Variants in UBD observed in about 807,000 individuals in gnomAD.
The protein encoded by UBD is ubiquitin like modifier D.
In UBD, 1 loss-of-function variant was observed where a neutral mutation model predicts 2.3. The observed-to-expected ratio is 0.43, with a 90% CI of 0.15 to 2.06. The LOEUF (loss-of-function observed/expected upper bound fraction) is 2.06, where lower values mean the gene tolerates loss of function less well. Ranked by LOEUF, UBD falls within the 30% of genes most tolerant of loss-of-function variation. The pLI, the probability that UBD is intolerant of heterozygous loss-of-function variation, is 0.29. For missense variants in UBD, 175 were observed against 199.3 expected (o/e 0.88, Z 0.73); for synonymous variants, 75 against 76.5 (o/e 0.98, Z 0.10).
chr6:29,556,467 C>A, intron 1 of UBD, 117 bp from the exon 2 acceptor site: 1 of 670,066 alleles, frequency 1.5e-6, no homozygotes, highest in South Asian at 2.0e-5. Context: ...AGCTCCTATT[C>A]AGTAGCCAGT....
At chr6:29,557,833 A>G (rs1762604610) in intron 1 of UBD, 1 of 152,224 alleles carries the variant, frequency 6.6e-6, no homozygotes, top group Non-Finnish European at 1.5e-5. Flanking sequence ...GTGCATTTCA[A>G]TGGATGTAAA....
At chr6:29,557,568 C>T (rs756824903) in intron 1 of UBD, 4 of 152,178 alleles carry the variant, frequency 2.6e-5, no homozygotes, top group Non-Finnish European at 5.9e-5. Context: ...ATTAGGACCC[C>T]CTCCATGAAT....
intron 1 of UBD, chr6:29,557,740 C>T (rs1762597518): frequency 6.6e-6 from 1 of 152,180 alleles, no homozygotes; most frequent in Non-Finnish European, 1.5e-5. Flanking sequence ...AGACTATAAC[C>T]TTTCATAAGA....
intron 1 of UBD, among the ~76,000 whole-genome samples, 197 bp downstream of exon 1, chr6:29,559,476 CAG>C (rs1762694727): frequency 1.3e-5 from 2 of 152,206 alleles, no homozygotes; most frequent in Admixed American, 1.3e-4. Flanking sequence ...AAAAAGAACA[CAG>C]AAGCCAGATA....
At chr6:29,557,460 A>G (rs1021123725) in intron 1 of UBD, 4 of 152,184 alleles carry the variant, frequency 2.6e-5, no homozygotes, top group Non-Finnish European at 4.4e-5. Flanking sequence ...TCACCTTTTC[A>G]TGTATAAGGC....
rs1282171187 is a variant in UBD at position 29,556,183 on chromosome 6, A to G, written c.195T>C (p.Ser65=). Residue 65 remains serine, a synonymous_variant, in exon 2 of 2, where the codon TCT becomes TCC. Transcript: ENST00000377050. ...KILKPRRSLS[S]YGIDKEKTIH... is the part of the protein sequence containing the mutation. ...TGGTCTTCTCTTTGTCAATGCCATA[A>G]GATGAGAGGCTTCTCCGTGGCTTTA... The G allele has an allele frequency of 3.7e-6, 6 of 1,612,976 alleles. No homozygotes were observed. The highest frequency in any genetic ancestry group is 5.1e-6 in the Non-Finnish European group (6 of 1,180,030).
At chr6:29,558,421 G>A (rs1030993410) in intron 1 of UBD, among the ~76,000 whole-genome samples, 8 of 152,288 alleles carry the variant, frequency 5.3e-5, no homozygotes, top group East Asian at 1.9e-4. Flanking sequence ...AGATCACAGC[G>A]GGAGGGACAA....
intron 1 of UBD, among the ~76,000 whole-genome samples, chr6:29,559,247 A>T (rs964325082): frequency 1.3e-5 from 2 of 152,174 alleles, no homozygotes; most frequent in Non-Finnish European, 2.9e-5. Flanking sequence ...TCCATAGTGC[A>T]TATTTTCTTA....
Position 29,556,237 on chromosome 6 carries a change from G to A in UBD, c.141C>T (p.Asp47=). 3 of 1,613,036 alleles carry A rather than the reference G, an allele frequency of 1.9e-6. No homozygotes were observed. Among genetic ancestry groups the A allele is most frequent in the Non-Finnish European group, 2.5e-6 (3 of 1,180,024 alleles). ...VRSKTKVPVQ[D]QVLLLGSKIL... The stretch of plus-strand genomic sequence containing the variant: ...TCTTGGAGCCCAGCAAAAGAACCTG[G>A]TCCTGCACAGGAACCTTGGTCTTAG... The change falls in exon 2 of 2, where the codon GAC becomes GAT. Residue 47 remains aspartate, a synonymous_variant. Transcript: ENST00000377050.
chr6:29,556,029 C>T lies in UBD; in HGVS notation c.349G>A (p.Ala117Thr), dbSNP rs1237034976. 8 of 1,613,036 alleles carry T rather than the reference C, an allele frequency of 5.0e-6. No individual in the cohort carries two copies. Among genetic ancestry groups the T allele is most frequent in the Non-Finnish European group, 6.8e-6 (8 of 1,180,044 alleles). ...ATACCCGTCTTAGTCTCGATCATTG[C>T]TTTCACTTGTGCCACTGAGCTGGAC... Reference protein sequence around the residue: ...RRSSSVAQVKAMIETKTGIIP... With the variant: ...RRSSSVAQVKTMIETKTGIIP... The change falls in exon 2 of 2, where the codon GCA becomes ACA. Residue 117 changes from alanine to threonine, a missense_variant. Ala to Thr is a moderately conservative substitution (Grantham distance 58). Transcript: ENST00000377050.
rs565090819 is a variant in UBD at position 29,557,656 on chromosome 6, C to G, written c.28-1306G>C. On this transcript the variant is annotated intron_variant, in intron 1 of 1. Transcript: ENST00000377050. Reference sequence around the variant, plus strand: ...CAGCATAAATTCCTGTGTCACCTTTCCTCCTGCAAAGTGCTTGCTTTTGGT... The same window carrying G: ...CAGCATAAATTCCTGTGTCACCTTTGCTCCTGCAAAGTGCTTGCTTTTGGT... The G allele has an allele frequency of 2.0e-5, 3 of 152,304 alleles. No individual in the cohort carries two copies. The East Asian group carries it at 5.8e-4, about 29-fold the overall frequency. The allele number at this position is 152,304 out of a possible 1,614,324, so 9.4% of individuals were successfully genotyped here. A position where few individuals can be genotyped will look rare whatever the true frequency, so the allele number is the denominator to read the frequency against.
In UBD at chr6:29,555,704, A is replaced by C. The variant is rs879137151; in HGVS notation, c.*176T>G. 3 of 589,382 alleles carry C rather than the reference A, an allele frequency of 5.1e-6. No homozygotes were observed. In the South Asian group the frequency reaches 6.8e-5, roughly 13 times the overall value. The allele number at this position is 589,382 out of a possible 1,614,324, so 36.5% of individuals were successfully genotyped here. On this transcript the variant is annotated 3_prime_UTR_variant, in exon 2 of 2. Transcript: ENST00000377050. The stretch of plus-strand genomic sequence containing the variant: ...CATGTCACTTAATTAATTGTGTTAG[A>C]ATCAAAGAAACATAGAGTTGGGCAA...
intron 1 of UBD, 52 bp from the exon 2 acceptor site, chr6:29,556,402 A>G: frequency 7.2e-7 from 1 of 1,389,756 alleles, no homozygotes; most frequent in South Asian, 1.3e-5. Context: ...CCTCCTTTAC[A>G]CTTCTACTCC....
intron 1 of UBD, among the ~76,000 whole-genome samples, chr6:29,559,242 A>G (rs1266640421): frequency 6.6e-6 from 1 of 152,198 alleles, no homozygotes; most frequent in Non-Finnish European, 1.5e-5. Flanking sequence ...TTCTCTCCAT[A>G]GTGCATATTT....
rs778800478 is a variant in UBD, at chr6:29,559,664, T to C, written c.27+11A>G. ...TCCTTTCCCCATCCCCTTTATCAAA[T>C]CCCAACTTACACAGAGGCAGGAAGC... On this transcript the variant is annotated intron_variant, in intron 1 of 1. Coordinates refer to ENST00000377050, the MANE Select transcript of UBD (RefSeq NM_006398.4). 6.2e-7 allele frequency: 1 copy of C among 1,612,772 alleles called. No homozygotes were observed.
At chr6:29,558,269 T>A (rs868010313) in intron 1 of UBD, among the ~76,000 whole-genome samples, 1 of 152,202 alleles carries the variant, frequency 6.6e-6, no homozygotes, top group Admixed American at 6.5e-5. Context: ...TAAGCCTAGC[T>A]GGGGAGGTGA....
chr6:29,557,850 AC>A (rs1432338470), intron 1 of UBD: 5 of 152,168 alleles, frequency 3.3e-5, no homozygotes, highest in African/African-American at 1.2e-4. Context: ...TAAAAAACAT[AC>A]CTTTATCCAT....
chr6:29,555,594 C>A lies in UBD; in HGVS notation c.*286G>T, dbSNP rs1398695869. On this transcript the variant is annotated 3_prime_UTR_variant, in exon 2 of 2. Coordinates refer to ENST00000377050, the MANE Select transcript of UBD (RefSeq NM_006398.4). ...TTGCATAAATAACAAGGTATCAAGA[C>A]AGAATTAAATTCCAAGCTGGCTTTG... 4.7e-6 allele frequency: 2 copies of A among 429,006 alleles called. No individual in the cohort carries two copies. Among genetic ancestry groups the A allele is most frequent in the African/African-American group, 2.0e-5 (1 of 49,712 alleles). The allele number at this position is 429,006 out of a possible 1,614,324, so 26.6% of individuals were successfully genotyped here. A position where few individuals can be genotyped will look rare whatever the true frequency, so the allele number is the denominator to read the frequency against.
rs1377834890 is a variant in UBD, at chr6:29,556,215, T to C, written c.163A>G (p.Lys55Glu). The change falls in exon 2 of 2, where the codon AAG becomes GAG. Residue 55 changes from lysine (K) to glutamate (E), a missense_variant. Lys to Glu is a moderately conservative substitution (Grantham distance 56). Transcript: ENST00000377050. ...VQDQVLLLGS[K>E]ILKPRRSLSS... The stretch of plus-strand genomic sequence containing the variant: ...AGGCTTCTCCGTGGCTTTAAGATCT[T>C]GGAGCCCAGCAAAAGAACCTGGTCC... 1.9e-6 allele frequency: 3 copies of C among 1,612,994 alleles called. No individual in the cohort carries two copies. In the South Asian group the frequency reaches 3.3e-5, roughly 18 times the overall value.
Sources: gnomAD v4.1 joint callset for allele counts (sites outside exome capture counted in the v4.1 genomes callset) on GRCh38, gnomAD v4.1.1 for gene constraint, MANE v1.5 for transcripts, NCBI Gene and HGNC (gene_info 2026-07-23, HGNC 2026-07-21) for gene names.